TTC19: variants seen among roughly 807,000 people sequenced by gnomAD.
TTC19 encodes the protein tetratricopeptide repeat protein 19, mitochondrial.
In TTC19, 38 loss-of-function variants were observed where a neutral mutation model predicts 49.5. The ratio of observed to expected loss-of-function variants is 0.77; its 90% CI spans 0.59 to 1.01. The LOEUF is 1.01. Ranked by LOEUF, TTC19 falls within the 50% of genes least tolerant of loss-of-function variation. TTC19 has a pLI of 0.00. For synonymous variants in TTC19, 204 were observed against 185.2 expected (o/e 1.10, Z -0.83); for missense variants, 475 against 477.7 (o/e 0.99, Z 0.05).
At position 16,028,855 on chromosome 17, in the gene TTC19, A is replaced by G. The variant is rs182682320; in HGVS notation, c.*1333A>G. The G allele has an allele frequency of 6.4e-4, 217 of 340,184 alleles. 3 individuals carry two copies. In the East Asian group the frequency reaches 0.013, roughly 21 times the overall value. 21.1% of individuals were successfully genotyped at this position (340,184 alleles called of 1,614,324 possible). On this transcript the variant is annotated 3_prime_UTR_variant, in exon 10 of 10. Transcript: ENST00000261647. ...AAAAAAAAAAAAAAAAACTTTCTGA[A>G]GAAAATAAAAACACCAGAAACCTTG...
Position 16,025,143 on chromosome 17 carries a change from A to C in TTC19, c.803A>C (p.Glu268Ala), listed in dbSNP as rs771445696. The C allele has an allele frequency of 1.2e-6, 2 of 1,614,020 alleles. No homozygotes were observed. The highest frequency in any genetic ancestry group is 2.7e-5 in the African/African-American group (2 of 75,044). ...RMYEKALQIS[E>A]EIQGERHPQT... ...TATGAAAAAGCTCTGCAGATTTCTG[A>C]AGAAATACAAGGAGAAAGACACCCA... The change falls in exon 8 of 10, where the codon GAA (glutamate) becomes GCA (alanine). Residue 268 changes from glutamate (E) to alanine (A), a missense_variant. Coordinates refer to ENST00000261647, the MANE Select transcript of TTC19 (RefSeq NM_017775.4).
intron 2 of TTC19, 88 bp downstream of exon 2, chr17:16,000,333 C>T (rs746419178): frequency 6.4e-7 from 1 of 1,554,276 alleles, no homozygotes; most frequent in East Asian, 2.3e-5. Context: ...CTCTCTCCGC[C>T]TCGCCGAAGA....
Position 16,006,566 on chromosome 17 carries a change from C to T in TTC19, c.674C>T (p.Ser225Leu). 2 of 1,598,128 alleles carry T rather than the reference C, an allele frequency of 1.3e-6. No individual in the cohort carries two copies. The highest frequency in any genetic ancestry group is 3.3e-5 in the Admixed American group (2 of 59,994). ...REKELAEDIM[S>L]VEEKANTHLL... ...AAGGAATTAGCAGAAGACATTATGTCAGGTAGGAAACCCATTATCTGGGCA... is the reference window on the plus strand; with the variant it reads ...AAGGAATTAGCAGAAGACATTATGTTAGGTAGGAAACCCATTATCTGGGCA... Residue 225 changes from serine to leucine, a missense_variant and splice_region_variant, in exon 7 of 10, where the codon TCA becomes TTA. Ser to Leu is a moderately radical substitution (Grantham distance 145). Transcript: ENST00000261647.
chr17:16,006,606 C>G, intron 7 of TTC19, 38 bp downstream of exon 7: 2 of 1,308,196 alleles, frequency 1.5e-6, no homozygotes, highest in African/African-American at 1.5e-5. Context: ...CTTTTCTCCA[C>G]AAAAGGCTTT....
At chr17:16,019,859 G>A in intron 7 of TTC19, among the ~76,000 whole-genome samples, 1 of 151,974 alleles carries the variant, frequency 6.6e-6, no homozygotes, top group South Asian at 2.1e-4. Context: ...GGGTGTAGTG[G>A]CTCACACCTG....
intron 7 of TTC19, among the ~76,000 whole-genome samples, chr17:16,019,997 G>A (rs1971324110): frequency 1.3e-5 from 2 of 151,336 alleles, no homozygotes; most frequent in South Asian, 4.2e-4. Context: ...AGGCATGCTG[G>A]TGGGTACCTG....
intron 2 of TTC19, among the ~76,000 whole-genome samples, chr17:16,041,918 A>G (rs980451159): frequency 2.6e-5 from 4 of 151,884 alleles, no homozygotes; most frequent in African/African-American, 9.7e-5. Flanking sequence ...TTACATTTTT[A>G]GTAGAGATGG....
At chr17:16,005,504 A>G (rs1597452240) in intron 6 of TTC19, among the ~76,000 whole-genome samples, 2 of 136,954 alleles carry the variant, frequency 1.5e-5, no homozygotes, top group Non-Finnish European at 1.5e-5. Context: ...GCCAAAACTG[A>G]AGAAAAGAAC....
At chr17:16,034,753 C>A (rs369768419) in intron 2 of TTC19, 55 of 1,594,546 alleles carry the variant, frequency 3.4e-5, no homozygotes, top group Non-Finnish European at 4.6e-5. Flanking sequence ...TAAGTTAAAG[C>A]AGAATCCTTA....
At chr17:16,044,974 G>T in exon 3 of TTC19, 2 of 517,464 alleles carry the variant, frequency 3.9e-6, no homozygotes, top group East Asian at 3.6e-5. Context: ...TTCTTATAAC[G>T]TGTTCAATAC....
rs1352183302 is a variant in TTC19, at chr17:16,002,016, T to G, written c.414T>G (p.Thr138=). 6.2e-7 allele frequency: 1 copy of G among 1,611,022 alleles called. No individual in the cohort carries two copies. The highest frequency in any genetic ancestry group is 8.5e-7 in the Non-Finnish European group (1 of 1,178,890). ...QTDNKKAITY[T]YDLMANLAFI... is the part of the protein sequence containing the mutation. ...ATAACAAGAAGGCCATCACTTACAC[T>G]TATGATTTGGTAACTCTTATAACCA... is the stretch of plus-strand genomic sequence containing the variant. Residue 138 remains threonine, a synonymous_variant, in exon 3 of 10, where the codon ACT becomes ACG. Coordinates refer to ENST00000261647, the MANE Select transcript of TTC19 (RefSeq NM_017775.4).
intron 7 of TTC19, chr17:16,023,191 AATG>A (rs1971438116): frequency 6.6e-6 from 1 of 152,184 alleles, no homozygotes; most frequent in Non-Finnish European, 1.5e-5. Flanking sequence ...TTGTGGTCAG[AATG>A]TGCTGTGAAT....
chr17:16,004,103 T>TGTG, intron 5 of TTC19, 98 bp from the exon 6 acceptor site: 1 of 1,263,720 alleles, frequency 7.9e-7, no homozygotes, highest in Non-Finnish European at 1.2e-6. Context: ...GAATAAAGAC[T>TGTG]GTGGCTTTGA....
intron 2 of TTC19, among the ~76,000 whole-genome samples, chr17:16,000,803 T>C (rs903609834): frequency 1.3e-5 from 2 of 152,192 alleles, no homozygotes; most frequent in Non-Finnish European, 2.9e-5. Context: ...TTTAGGACCA[T>C]ACCTACCTCT....
chr17:16,044,343 T>C, intron 2 of TTC19: 1 of 468,676 alleles, frequency 2.1e-6, no homozygotes, highest in South Asian at 1.6e-5. Context: ...CCTTTTTTCC[T>C]TGGTGTTCAA....
chr17:16,032,539 A>C, downstream of TTC19: 1 of 1,487,806 alleles, frequency 6.7e-7, no homozygotes, highest in Non-Finnish European at 9.0e-7. Flanking sequence ...TATTTCATCC[A>C]ATCCAACTTT....
Position 16,027,642 on chromosome 17 carries a change from A to T in TTC19, c.*120A>T. 8.0e-7 allele frequency: 1 copy of T among 1,243,190 alleles called. No homozygotes were observed. Among genetic ancestry groups the T allele is most frequent in the Non-Finnish European group, 1.2e-6 (1 of 868,242 alleles). The allele number at this position is 1,243,190 out of a possible 1,614,324, so 77.0% of individuals were successfully genotyped here. On this transcript the variant is annotated 3_prime_UTR_variant, in exon 10 of 10. Coordinates refer to ENST00000261647, the MANE Select transcript of TTC19 (RefSeq NM_017775.4). ...CGTTTTTGATATTCAGGTTTCCTCA[A>T]TTTAGCCTTAGTGAAGGAGGGGTTG...
At position 15,999,879 on chromosome 17, in the gene TTC19, C is replaced by A; in HGVS notation, c.31C>A (p.Arg11=). 2 of 1,431,330 alleles carry A rather than the reference C, an allele frequency of 1.4e-6. No homozygotes were observed. The highest frequency in any genetic ancestry group is 1.8e-6 in the Non-Finnish European group (2 of 1,101,218). The allele number at this position is 1,431,330 out of a possible 1,614,324, so 88.7% of individuals were successfully genotyped here. Residue 11 remains arginine, a synonymous_variant, in exon 1 of 10, where the codon CGA becomes AGA. Coordinates refer to ENST00000261647, the MANE Select transcript of TTC19 (RefSeq NM_017775.4). Reference sequence around the variant, plus strand: ...CCGGCTCCTGAGCTGGAGCCTGGGCCGAGGCTTCCTGCGGGCCGCGGGGCG... The same window carrying A: ...CCGGCTCCTGAGCTGGAGCCTGGGCAGAGGCTTCCTGCGGGCCGCGGGGCG... The part of the protein sequence containing the change: MFRLLSWSLG[R]GFLRAAGRRC...
At chr17:16,040,499 A>G (rs911868747) in intron 2 of TTC19, 3 of 1,612,794 alleles carry the variant, frequency 1.9e-6, no homozygotes, top group Admixed American at 1.7e-5. Flanking sequence ...CAGCTGCTAT[A>G]TTTAAGCAAA....
Sources: gnomAD v4.1 joint callset for allele counts (sites outside exome capture counted in the v4.1 genomes callset) on GRCh38, gnomAD v4.1.1 for gene constraint, MANE v1.5 for transcripts, NCBI Gene and HGNC (gene_info 2026-07-23, HGNC 2026-07-21) for gene names.